The following MEGF10 variants were observed in gnomAD, a reference collection of about 807,000 sequenced individuals.
MEGF10 encodes multiple EGF like domains 10.
In MEGF10, 86 loss-of-function variants were observed where a neutral mutation model predicts 147.5. The ratio of observed to expected loss-of-function variants is 0.58; its 90% CI spans 0.49 to 0.70. MEGF10 has a LOEUF of 0.70. Among genes scored for constraint, MEGF10 ranks in the 30% least tolerant of loss-of-function variants. The pLI, the probability that MEGF10 is intolerant of heterozygous loss-of-function variation, is 0.00. For synonymous variants in MEGF10, 478 were observed against 525.5 expected (o/e 0.91, Z 1.24); for missense variants, 1,329 against 1,487.3 (o/e 0.89, Z 1.75).
chr5:127,266,352 C>A, the MEGF10 span, among the ~76,000 whole-genome samples: 10 of 152,002 alleles, frequency 6.6e-5, no homozygotes, highest in African/African-American at 2.4e-4. Context: ...AGTCAGGTAG[C>A]ATGATGCCTC....
intron 1 of MEGF10, among the ~76,000 whole-genome samples, chr5:127,316,322 C>T (rs1377045871): frequency 6.6e-6 from 1 of 152,118 alleles, no homozygotes; most frequent in Non-Finnish European, 1.5e-5. Flanking sequence ...CATGTTTGAG[C>T]AGGTCCAATT....
At chr5:127,362,743 T>G (rs1262654997) in intron 4 of MEGF10, among the ~76,000 whole-genome samples, 1 of 152,218 alleles carries the variant, frequency 6.6e-6, no homozygotes, top group African/African-American at 2.4e-5. Context: ...TAATCCAATC[T>G]GTTAATATCT....
At chr5:127,382,262 T>C (rs1026978955) in intron 5 of MEGF10, among the ~76,000 whole-genome samples, 1 of 152,216 alleles carries the variant, frequency 6.6e-6, no homozygotes. Flanking sequence ...ACAATAATAT[T>C]TGTCCTAGTT....
chr5:127,252,562 A>G, the MEGF10 span, among the ~76,000 whole-genome samples: 1 of 151,970 alleles, frequency 6.6e-6, no homozygotes, highest in Admixed American at 6.6e-5. Context: ...GTATTAATGC[A>G]CATATACTTG....
In MEGF10 at chr5:127,420,129, G is replaced by A. The variant is rs1764939231; in HGVS notation, c.1512G>A (p.Gly504=). ...GCNLTCQCLN[G]GACNTLDGTC... is the part of the protein sequence containing the mutation. ...ACTTAACATGCCAGTGCCTCAACGG[G>A]GGAGCCTGCAACACCCTGGACGGGA... is the stretch of plus-strand genomic sequence containing the variant. Residue 504 remains glycine, a synonymous_variant, in exon 12 of 25, where the codon GGG becomes GGA. Coordinates refer to ENST00000503335, the MANE Select transcript of MEGF10 (RefSeq NM_001256545.2). The A allele has an allele frequency of 6.2e-7, 1 of 1,614,206 alleles. No homozygotes were observed. Among genetic ancestry groups the A allele is most frequent in the East Asian group, 2.2e-5 (1 of 44,882 alleles).
At chr5:127,388,823 G>T (rs960560661) in intron 5 of MEGF10, among the ~76,000 whole-genome samples, 9 of 152,164 alleles carry the variant, frequency 5.9e-5, no homozygotes, top group Admixed American at 4.6e-4. Context: ...GGGATTGCAG[G>T]CATGAGCCAC....
intron 4 of MEGF10, among the ~76,000 whole-genome samples, chr5:127,356,031 T>C (rs1318882027): frequency 6.6e-6 from 1 of 152,202 alleles, no homozygotes; most frequent in Non-Finnish European, 1.5e-5. Context: ...GGATAGAAAA[T>C]GGCTAAAATA....
chr5:127,328,402 T>C (rs1014295072), intron 1 of MEGF10, among the ~76,000 whole-genome samples: 3 of 152,216 alleles, frequency 2.0e-5, no homozygotes, highest in Non-Finnish European at 4.4e-5. Flanking sequence ...AATGTACTGA[T>C]ATTTTTTCTT....
intron 1 of MEGF10, among the ~76,000 whole-genome samples, chr5:127,331,060 T>C (rs1224745610): frequency 6.6e-6 from 1 of 152,188 alleles, no homozygotes; most frequent in Non-Finnish European, 1.5e-5. Flanking sequence ...TGGCAATTGA[T>C]GATGATTTGC....
intron 1 of MEGF10, among the ~76,000 whole-genome samples, chr5:127,324,589 G>T (rs75245911): frequency 6.6e-6 from 1 of 152,050 alleles, no homozygotes; most frequent in Non-Finnish European, 1.5e-5. Flanking sequence ...CACTTCACAC[G>T]TGAGTGCAGT....
chr5:127,247,392 G>C, the MEGF10 span, among the ~76,000 whole-genome samples: 39 of 36,212 alleles, frequency 1.1e-3, no homozygotes, highest in African/African-American at 1.5e-3. Context: ...AGAAGAAGAA[G>C]AAGAAGAAGA....
chr5:127,324,887 T>C (rs541812557), intron 1 of MEGF10, among the ~76,000 whole-genome samples: 134 of 152,342 alleles, frequency 8.8e-4, no homozygotes, highest in African/African-American at 3.1e-3. Context: ...TCTTTCTCTT[T>C]GCCTTGTGGC....
chr5:127,370,073 C>A, intron 5 of MEGF10, 71 bp downstream of exon 5: 1 of 1,162,370 alleles, frequency 8.6e-7, no homozygotes, highest in Non-Finnish European at 1.3e-6. Flanking sequence ...TGCAGATGAC[C>A]CTGAGCCATG....
the MEGF10 span, among the ~76,000 whole-genome samples, chr5:127,262,451 C>A: frequency 6.6e-6 from 1 of 152,070 alleles, no homozygotes; most frequent in African/African-American, 2.4e-5. Flanking sequence ...CGTCTAGCCC[C>A]TGTGATATAA....
the MEGF10 span, among the ~76,000 whole-genome samples, chr5:127,248,917 A>G: frequency 1.3e-5 from 2 of 151,930 alleles, no homozygotes; most frequent in African/African-American, 4.8e-5. Context: ...AAAAAATTTA[A>G]ATTAATGTAA....
chr5:127,436,241 C>T (rs1765549898), intron 16 of MEGF10, among the ~76,000 whole-genome samples: 1 of 152,202 alleles, frequency 6.6e-6, no homozygotes, highest in African/African-American at 2.4e-5. Flanking sequence ...AGTCATTTTA[C>T]ATGGTGCTTT....
intron 9 of MEGF10, 64 bp downstream of exon 9, chr5:127,410,665 T>C: frequency 7.1e-7 from 1 of 1,417,482 alleles, no homozygotes; most frequent in Non-Finnish European, 9.6e-7. Flanking sequence ...TTTTCAGGAT[T>C]TGGAAGGAGG....
At chr5:127,268,348 A>G in the MEGF10 span, among the ~76,000 whole-genome samples, 1 of 152,206 alleles carries the variant, frequency 6.6e-6, no homozygotes, top group African/African-American at 2.4e-5. Flanking sequence ...CTAAGTGGTC[A>G]GTTTTGGAAT....
At chr5:127,232,954 G>A in the MEGF10 span, among the ~76,000 whole-genome samples, 1 of 152,120 alleles carries the variant, frequency 6.6e-6, no homozygotes, top group East Asian at 1.9e-4. Flanking sequence ...ATATTTCTGT[G>A]AGCCTTAATC....
Sources: gnomAD v4.1 joint callset for allele counts (sites outside exome capture counted in the v4.1 genomes callset) on GRCh38, gnomAD v4.1.1 for gene constraint, MANE v1.5 for transcripts, NCBI Gene and HGNC (gene_info 2026-07-23, HGNC 2026-07-21) for gene names.